C4orf33: variants seen among roughly 807,000 people sequenced by gnomAD.
C4orf33 encodes UPF0462 protein C4orf33.
Under a neutral mutation model 24.3 loss-of-function variants are expected in C4orf33, and 20 were observed. The observed-to-expected ratio is 0.82, with a 90% CI of 0.58 to 1.19. The LOEUF is 1.19. C4orf33 is among the 50% of genes most tolerant of loss of function. C4orf33 has a pLI of 0.00. For missense variants in C4orf33, 207 were observed against 225.9 expected, an observed-to-expected ratio of 0.92 and a Z score of 0.54; for synonymous variants, 67 against 76.4, an observed-to-expected ratio of 0.88 and a Z score of 0.64.
intron 1 of C4orf33, among the ~76,000 whole-genome samples, chr4:129,098,579 C>T (rs1246762853): frequency 1.3e-5 from 2 of 152,192 alleles, no homozygotes; most frequent in African/African-American, 4.8e-5. Context: ...ATTTGGGGCT[C>T]AGCCCAGGAG....
chr4:129,098,552 A>C (rs996218858), intron 1 of C4orf33, among the ~76,000 whole-genome samples: 2 of 152,194 alleles, frequency 1.3e-5, no homozygotes, highest in Non-Finnish European at 2.9e-5. Context: ...TTCTCTACTA[A>C]TGCAGGGAAA....
intron 2 of C4orf33, 63 bp downstream of exon 2, chr4:129,102,854 C>G (rs926043179): frequency 2.1e-6 from 3 of 1,431,542 alleles, no homozygotes; most frequent in Non-Finnish European, 2.9e-6. Context: ...TCTCACAGAA[C>G]TATTATTTTA....
chr4:129,106,925 T>A (rs1416150726), intron 3 of C4orf33, among the ~76,000 whole-genome samples: 3 of 151,936 alleles, frequency 2.0e-5, no homozygotes, highest in Non-Finnish European at 4.4e-5. Context: ...CAAGATAATT[T>A]TTTTCAAAAC....
At position 129,115,377 on chromosome 4, in the gene C4orf33, T is replaced by G. The variant is rs1753756755; in HGVS notation, c.*3586T>G. ...ATGTATCTCTAGATTTCTGTATTAGTGCTTTTCTGACACCTCAGTTATGTG... is the reference window on the plus strand; with the variant it reads ...ATGTATCTCTAGATTTCTGTATTAGGGCTTTTCTGACACCTCAGTTATGTG... On this transcript the variant is annotated 3_prime_UTR_variant, in exon 6 of 6. Coordinates refer to ENST00000425929, the MANE Select transcript of C4orf33 (RefSeq NM_001099783.2). The G allele has an allele frequency of 6.6e-6, 1 of 152,198 alleles. No individual in the cohort carries two copies. The highest frequency in any genetic ancestry group is 6.5e-5 in the Admixed American group (1 of 15,282). 9.4% of individuals were successfully genotyped at this position (152,198 alleles called of 1,614,324 possible).
At position 129,113,435 on chromosome 4, in the gene C4orf33, T is replaced by C. The variant is rs1258115576; in HGVS notation, c.*1644T>C. On this transcript the variant is annotated 3_prime_UTR_variant, in exon 6 of 6. Transcript: ENST00000425929. ...GGTACAAATGATATATTCTAGAAAC[T>C]TGTATCCAAGAAACTTTTATTTGAG... 1.3e-5 allele frequency: 2 copies of C among 152,230 alleles called. No homozygotes were observed. Among genetic ancestry groups the C allele is most frequent in the Admixed American group, 1.3e-4 (2 of 15,280 alleles). The allele number at this position is 152,230 out of a possible 1,614,324, so 9.4% of individuals were successfully genotyped here.
At chr4:129,100,561 T>C (rs2125799634) in intron 1 of C4orf33, 1 of 152,298 alleles carries the variant, frequency 6.6e-6, no homozygotes, top group South Asian at 2.1e-4. Context: ...CTGGATATGG[T>C]TTTATTCCAT....
intron 5 of C4orf33, among the ~76,000 whole-genome samples, chr4:129,110,612 T>A (rs535675664): frequency 2.6e-5 from 4 of 152,332 alleles, no homozygotes; most frequent in South Asian, 4.1e-4. Flanking sequence ...CATTGCACTA[T>A]GGTAGATGGA....
intron 2 of C4orf33, 30 bp downstream of exon 2, chr4:129,102,821 A>T: frequency 1.3e-6 from 2 of 1,568,818 alleles, no homozygotes; most frequent in Non-Finnish European, 1.7e-6. Context: ...TTTATTGCAA[A>T]CATAAATCTT....
intron 2 of C4orf33, among the ~76,000 whole-genome samples, chr4:129,106,297 A>G (rs1348007798): frequency 6.6e-6 from 1 of 152,060 alleles, no homozygotes; most frequent in Non-Finnish European, 1.5e-5. Context: ...GAAGAAGATA[A>G]CTGGCTCAAA....
intron 3 of C4orf33, among the ~76,000 whole-genome samples, chr4:129,107,494 G>A (rs1230598770): frequency 6.6e-6 from 1 of 151,974 alleles, no homozygotes; most frequent in Non-Finnish European, 1.5e-5. Context: ...TGGACAGAGA[G>A]CTCCAAACAA....
chr4:129,096,625 C>G (rs995236906), intron 1 of C4orf33, among the ~76,000 whole-genome samples: 1 of 152,048 alleles, frequency 6.6e-6, no homozygotes. Context: ...TTTTAGAGGT[C>G]TTTCCAGGTA....
In C4orf33 at chr4:129,106,637, GA is replaced by G; in HGVS notation, c.234del (p.Glu78AspfsTer9). On this transcript the variant is annotated frameshift_variant, in exon 3 of 6. Transcript: ENST00000425929. LOFTEE classifies it high-confidence loss of function. ...TATAACTGAGCAATATTTAGAAGTT[GA>G]ACTTTGTCCGTAAGTATAAAATGTT... The part of the protein sequence containing the change: ...NDITEQYLEV[E>X]LCPHGQHLVL... 1 of 1,529,016 alleles carries G rather than the reference GA, an allele frequency of 6.5e-7. No individual in the cohort carries two copies. The highest frequency in any genetic ancestry group is 8.9e-7 in the Non-Finnish European group (1 of 1,121,414). The allele number at this position is 1,529,016 out of a possible 1,614,324, so 94.7% of individuals were successfully genotyped here.
At chr4:129,104,551 G>A (rs2125801702) in intron 2 of C4orf33, among the ~76,000 whole-genome samples, 1 of 152,226 alleles carries the variant, frequency 6.6e-6, no homozygotes, top group East Asian at 1.9e-4. Flanking sequence ...ACATTGAAAG[G>A]TTTGCCTGGT....
intron 2 of C4orf33, among the ~76,000 whole-genome samples, chr4:129,103,563 C>T (rs943752983): frequency 2.9e-5 from 2 of 69,944 alleles, no homozygotes; most frequent in Admixed American, 1.4e-4. Flanking sequence ...TAAGACATGA[C>T]ATAAAATTAG....
At chr4:129,094,301 A>AG (rs74959828), upstream of C4orf33, among the ~76,000 whole-genome samples, 1 of 139,792 alleles carries the variant, frequency 7.2e-6, no homozygotes, top group Non-Finnish European at 1.6e-5. Context: ...CTTAAAACGT[A>AG]TTTTTTTAAA....
At chr4:129,104,317 GGGC>G (rs1412609327) in intron 2 of C4orf33, among the ~76,000 whole-genome samples, 1 of 152,090 alleles carries the variant, frequency 6.6e-6, no homozygotes, top group African/African-American at 2.4e-5. Context: ...ACCTTGGTTA[GGGC>G]AGAGCCTTCT....
chr4:129,109,623 C>G lies in C4orf33; in HGVS notation c.445C>G (p.Leu149Val). The G allele has an allele frequency of 6.2e-7, 1 of 1,614,028 alleles. No homozygotes were observed. Among genetic ancestry groups the G allele is most frequent in the Non-Finnish European group, 8.5e-7 (1 of 1,179,994 alleles). The part of the protein sequence containing the change: ...GSKDKRSYEA[L>V]YPVPQHELQQ... ...AAAAGATAAACGAAGTTATGAAGCT[C>G]TTTACCCTGTACCTCAGCATGAACT... The change falls in exon 5 of 6, where the codon CTT becomes GTT. Residue 149 changes from leucine (L) to valine (V), a missense_variant. Transcript: ENST00000425929.
chr4:129,096,540 A>G (rs1013035069), intron 1 of C4orf33, among the ~76,000 whole-genome samples: 9 of 152,196 alleles, frequency 5.9e-5, no homozygotes, highest in African/African-American at 2.2e-4. Flanking sequence ...TTTCTTTTAA[A>G]CTTTGCGGAC....
chr4:129,109,400 G>A (rs769403563), intron 4 of C4orf33, 42 bp downstream of exon 4: 2 of 1,595,382 alleles, frequency 1.3e-6, no homozygotes, highest in Admixed American at 1.7e-5. Context: ...TACGTACACA[G>A]TAATACACAT....
Sources: gnomAD v4.1 joint callset for allele counts (sites outside exome capture counted in the v4.1 genomes callset) on GRCh38, gnomAD v4.1.1 for gene constraint, MANE v1.5 for transcripts, NCBI Gene and HGNC (gene_info 2026-07-23, HGNC 2026-07-21) for gene names.